COX10: variants seen among roughly 807,000 people sequenced by gnomAD.
The protein encoded by COX10 is protoheme IX farnesyltransferase, mitochondrial.
A neutral mutation model predicts 37.3 loss-of-function variants in COX10; 27 were observed. The ratio of observed to expected loss-of-function variants is 0.72; its 90% CI spans 0.53 to 1.00. The LOEUF (loss-of-function observed/expected upper bound fraction) is 1.00, where lower values mean the gene tolerates loss of function less well. Among genes scored for constraint, COX10 ranks in the 50% least tolerant of loss-of-function variants. The pLI, the probability that COX10 is intolerant of heterozygous loss-of-function variation, is 0.00. For synonymous variants in COX10, 222 were observed against 229.1 expected, an observed-to-expected ratio of 0.97 and a Z score of 0.28; for missense variants, 475 against 563.2, an observed-to-expected ratio of 0.84 and a Z score of 1.59.
Position 14,152,859 on chromosome 17 carries a change from C to T in COX10, c.625-7018C>T, listed in dbSNP as rs898792341. Among the ~76,000 whole-genome samples the T allele has an allele frequency of 1.8e-4, 28 of 152,324 alleles. 1 individual carries two copies. The highest frequency in any genetic ancestry group is 5.1e-4 in the African/African-American group (21 of 41,570). ...GAAGCTGGAAAAGCTCGGGGATCAG[C>T]TGCAACCCAAGGATATCTGGCAGGA... On this transcript the variant is annotated intron_variant, in intron 4 of 6. Transcript: ENST00000261643.
intron 2 of COX10, 130 bp downstream of exon 2, chr17:14,074,586 A>C (rs1915101494): frequency 2.3e-6 from 2 of 863,510 alleles, no homozygotes; most frequent in Non-Finnish European, 3.9e-6. Flanking sequence ...TAGTGTCCTT[A>C]AATTTATCCA....
At chr17:14,110,525 C>T (rs1209535307) in intron 4 of COX10, among the ~76,000 whole-genome samples, 1 of 152,018 alleles carries the variant, frequency 6.6e-6, no homozygotes, top group East Asian at 1.9e-4. Flanking sequence ...GTGATTAAAC[C>T]TGATTTGGGT....
intron 5 of COX10, among the ~76,000 whole-genome samples, chr17:14,175,485 G>C (rs1379684573): frequency 6.6e-6 from 1 of 151,326 alleles, no homozygotes; most frequent in Non-Finnish European, 1.5e-5. Flanking sequence ...AGAGTTATGT[G>C]AGAAAACGAC....
intron 4 of COX10, among the ~76,000 whole-genome samples, chr17:14,122,475 G>C (rs1916251425): frequency 6.6e-6 from 1 of 152,156 alleles, no homozygotes; most frequent in African/African-American, 2.4e-5. Context: ...TTTAAAAATA[G>C]AGGAAACCAA....
chr17:14,098,407 C>G (rs1915698423), intron 3 of COX10, among the ~76,000 whole-genome samples: 1 of 152,088 alleles, frequency 6.6e-6, no homozygotes, highest in East Asian at 1.9e-4. Context: ...CTGGTTGTCA[C>G]TGACGCAATA....
intron 4 of COX10, among the ~76,000 whole-genome samples, chr17:14,141,846 C>T (rs545909767): frequency 2.6e-4 from 39 of 152,128 alleles, no homozygotes; most frequent in African/African-American, 8.9e-4. Context: ...TTCACTGCCT[C>T]GCATAAGAGT....
At chr17:14,073,711 T>C (rs1915081263) in intron 1 of COX10, among the ~76,000 whole-genome samples, 1 of 152,154 alleles carries the variant, frequency 6.6e-6, no homozygotes, top group South Asian at 2.1e-4. Flanking sequence ...GAATCTGTAG[T>C]GTTCTATGGC....
intron 6 of COX10, among the ~76,000 whole-genome samples, chr17:14,198,180 C>T (rs1048835446): frequency 2.6e-5 from 4 of 152,046 alleles, no homozygotes; most frequent in South Asian, 2.1e-4. Flanking sequence ...CTGCTGGAGC[C>T]GCGGTGAAGG....
At chr17:14,197,514 G>T (rs1032936925) in intron 6 of COX10, among the ~76,000 whole-genome samples, 1 of 152,234 alleles carries the variant, frequency 6.6e-6, no homozygotes, top group African/African-American at 2.4e-5. Flanking sequence ...CCCGGTGAGA[G>T]GTGTGGGTCC....
At chr17:14,152,070 T>C (rs1266135705) in intron 4 of COX10, among the ~76,000 whole-genome samples, 1 of 152,164 alleles carries the variant, frequency 6.6e-6, no homozygotes, top group Non-Finnish European at 1.5e-5. Context: ...ACTGAAAAAC[T>C]AAATACCTTT....
At chr17:14,118,939 G>A (rs1916171778) in intron 4 of COX10, among the ~76,000 whole-genome samples, 1 of 151,558 alleles carries the variant, frequency 6.6e-6, no homozygotes, top group African/African-American at 2.4e-5. Context: ...GGTATTGAGA[G>A]TAAAAGACAA....
chr17:14,122,953 C>A (rs756912787), intron 4 of COX10, among the ~76,000 whole-genome samples: 1 of 152,160 alleles, frequency 6.6e-6, no homozygotes, highest in African/African-American at 2.4e-5. Flanking sequence ...AGAACAGAAT[C>A]CAAGCCAGGT....
intron 3 of COX10, among the ~76,000 whole-genome samples, chr17:14,082,693 ATTAT>A (rs1915322831): frequency 6.6e-6 from 1 of 152,134 alleles, no homozygotes; most frequent in Non-Finnish European, 1.5e-5. Context: ...TAATTAATTA[ATTAT>A]TTAATAGTGC....
intron 4 of COX10, among the ~76,000 whole-genome samples, chr17:14,142,160 A>G (rs1354943062): frequency 6.6e-6 from 1 of 152,210 alleles, no homozygotes; most frequent in Non-Finnish European, 1.5e-5. Flanking sequence ...CAAGACTCAA[A>G]TCTAGTTAGT....
At chr17:14,193,224 G>A (rs563797768) in intron 6 of COX10, among the ~76,000 whole-genome samples, 2 of 152,308 alleles carry the variant, frequency 1.3e-5, no homozygotes, top group East Asian at 3.9e-4. Context: ...CTGCCTGGAT[G>A]GGGAGCCCGA....
chr17:14,146,404 A>G (rs147550678), intron 4 of COX10, among the ~76,000 whole-genome samples: 108 of 152,214 alleles, frequency 7.1e-4, no homozygotes, highest in African/African-American at 2.3e-3. Flanking sequence ...GGAAAAGACT[A>G]TCTCTTCAAT....
chr17:14,175,228 CTG>C (rs1905641327), intron 5 of COX10, among the ~76,000 whole-genome samples: 1 of 148,390 alleles, frequency 6.7e-6, no homozygotes, highest in Non-Finnish European at 1.5e-5. Context: ...TCAGAACTAA[CTG>C]TACACTTGCA....
intron 4 of COX10, among the ~76,000 whole-genome samples, chr17:14,105,971 A>C (rs1397740316): frequency 2.0e-5 from 3 of 152,028 alleles, no homozygotes; most frequent in Admixed American, 2.0e-4. Flanking sequence ...ATAGTATGTC[A>C]TGGACATCTC....
At chr17:14,191,811 ATTCT>A (rs1906209519) in intron 5 of COX10, among the ~76,000 whole-genome samples, 174 bp from the exon 6 acceptor site, 1 of 152,178 alleles carries the variant, frequency 6.6e-6, no homozygotes, top group Non-Finnish European at 1.5e-5. Context: ...CCACAAACAT[ATTCT>A]TTCTTATTAT....
Sources: allele counts gnomAD v4.1 joint callset (sites outside exome capture counted in the v4.1 genomes callset), GRCh38; gene constraint gnomAD v4.1.1; transcripts MANE v1.5; gene names NCBI Gene and HGNC (gene_info 2026-07-23, HGNC 2026-07-21).